Variants in TFEC observed in about 807,000 individuals in gnomAD.
TFEC encodes the protein class E basic helix-loop-helix protein 34.
A neutral mutation model predicts 41.6 loss-of-function variants in TFEC; 31 were observed. The ratio of observed to expected loss-of-function variants is 0.74; its 90% confidence interval spans 0.56 to 1.01. The LOEUF is 1.01. Among genes scored for constraint, TFEC ranks in the 50% least tolerant of loss-of-function variants. The probability of loss-of-function intolerance (pLI) is 0.00; values close to 1 mark genes in which losing one functional copy is unlikely to be tolerated. For missense variants in TFEC, 402 were observed against 404.1 expected (o/e 0.99, Z 0.04); for synonymous variants, 143 against 140.6 (o/e 1.02, Z -0.12).
In TFEC at chr7:115,984,491, GA is replaced by G. The variant is rs1793767665; in HGVS notation, c.-51del. On this transcript the variant is annotated 5_prime_UTR_variant, in exon 2 of 8. The change abolishes the stop of an existing upstream ORF in the 5' untranslated region. Coordinates refer to ENST00000265440, the MANE Select transcript of TFEC (RefSeq NM_012252.4). ...GGCTTTCTGTAGCTGAGGCCTTGCA[GA>G]ACTTTCCAGGTGTGCTGGGACCTAC... is the stretch of plus-strand genomic sequence containing the variant. 2 of 1,613,866 alleles carry G rather than the reference GA, an allele frequency of 1.2e-6. No homozygotes were observed. Among genetic ancestry groups the G allele is most frequent in the Non-Finnish European group, 1.7e-6 (2 of 1,179,952 alleles).
intron 3 of TFEC, among the ~76,000 whole-genome samples, chr7:116,071,486 T>C (rs968047922): frequency 1.3e-5 from 2 of 151,394 alleles, no homozygotes; most frequent in Non-Finnish European, 3.0e-5. Flanking sequence ...AGGAATAACA[T>C]GATTTTAAGA....
chr7:115,965,367 T>C (rs887783171), intron 3 of TFEC, among the ~76,000 whole-genome samples: 54 of 151,714 alleles, frequency 3.6e-4, no homozygotes, highest in Non-Finnish European at 7.4e-4. Context: ...TGTAGAATGA[T>C]TCTATACAAA....
chr7:116,000,358 G>T (rs1245453936), intron 1 of TFEC, among the ~76,000 whole-genome samples: 1 of 152,066 alleles, frequency 6.6e-6, no homozygotes, highest in African/African-American at 2.4e-5. Context: ...AATATACTGA[G>T]CAGGAAAAAA....
upstream of TFEC, among the ~76,000 whole-genome samples, chr7:116,031,302 T>C (rs988546414): frequency 6.6e-6 from 1 of 152,204 alleles, no homozygotes; most frequent in Non-Finnish European, 1.5e-5. Flanking sequence ...TCCAAGAATA[T>C]TTTATCTTCC....
At chr7:115,975,436 C>A (rs1422408361) in intron 2 of TFEC, among the ~76,000 whole-genome samples, 1 of 152,088 alleles carries the variant, frequency 6.6e-6, no homozygotes, top group Non-Finnish European at 1.5e-5. Context: ...TTGATGTTAT[C>A]TTCAAAGCAA....
At chr7:116,029,887 C>T (rs573070021) in intron 1 of TFEC, among the ~76,000 whole-genome samples, 15 of 143,404 alleles carry the variant, frequency 1.0e-4, no homozygotes, top group South Asian at 2.2e-4. Context: ...GGTGAAACTG[C>T]GTCTCTACTA....
At chr7:115,961,449 A>G (rs1186251265) in intron 3 of TFEC, among the ~76,000 whole-genome samples, 1 of 151,664 alleles carries the variant, frequency 6.6e-6, no homozygotes, top group Non-Finnish European at 1.5e-5. Context: ...AATAAATGAT[A>G]AAAATAGATT....
chr7:116,045,720 C>A (rs868005295), intron 3 of TFEC, among the ~76,000 whole-genome samples: 3 of 152,204 alleles, frequency 2.0e-5, no homozygotes, highest in Non-Finnish European at 4.4e-5. Context: ...TGGAGCTGTG[C>A]GAAAACGGTC....
At chr7:116,139,161 A>T (rs1798490860) in intron 1 of TFEC, among the ~76,000 whole-genome samples, 1 of 152,248 alleles carries the variant, frequency 6.6e-6, no homozygotes, top group South Asian at 2.1e-4. Flanking sequence ...GCACTCAGGC[A>T]GCATGTTTCT....
chr7:116,004,827 T>C (rs1366817915), intron 1 of TFEC, among the ~76,000 whole-genome samples: 2 of 152,054 alleles, frequency 1.3e-5, no homozygotes, highest in Non-Finnish European at 2.9e-5. Flanking sequence ...TCAGTATTAC[T>C]GATATGATTT....
In TFEC at chr7:115,950,823, T is replaced by C. The variant is rs574081755; in HGVS notation, c.515+51A>G. ...CCTCCCTTCTTCCCTCCCATTCATT[T>C]TGGGGGTCTTTAAATTATAACATTA... On this transcript the variant is annotated intron_variant, in intron 6 of 7. Coordinates refer to ENST00000265440, the MANE Select transcript of TFEC (RefSeq NM_012252.4). The C allele has an allele frequency of 1.6e-5, 22 of 1,402,702 alleles. No individual in the cohort carries two copies. In the South Asian group the frequency reaches 2.6e-4, roughly 17 times the overall value. 86.9% of individuals were successfully genotyped at this position (1,402,702 alleles called of 1,614,324 possible).
intron 3 of TFEC, among the ~76,000 whole-genome samples, chr7:116,049,257 A>G (rs545700050): frequency 9.6e-4 from 146 of 152,320 alleles, no homozygotes; most frequent in African/African-American, 3.3e-3. Context: ...AGAGACACAC[A>G]TAGGCTCAAA....
In TFEC at chr7:116,051,367, AACTGAG is replaced by A. The variant is rs1388541577; in HGVS notation, c.198+59335_198+59340del. ...TTAATCCCCATATTACAAATGAGAA[AACTGAG>A]GGATAAGAGTTCAAGTCATCAGTAT... On this transcript the variant is annotated intron_variant, in intron 3 of 8. Transcript: ENST00000484212. Among the ~76,000 whole-genome samples, 3 of 152,312 alleles carry A rather than the reference AACTGAG, an allele frequency of 2.0e-5. No individual in the cohort carries two copies. The East Asian group carries it at 5.8e-4, about 29-fold the overall frequency.
chr7:116,078,555 C>A (rs1366995105), intron 3 of TFEC, among the ~76,000 whole-genome samples: 1 of 151,936 alleles, frequency 6.6e-6, no homozygotes, highest in Non-Finnish European at 1.5e-5. Flanking sequence ...ACTATGAACA[C>A]CTTTACATGC....
At position 116,102,704 on chromosome 7, in the gene TFEC, C is replaced by A. The variant is rs576167273; in HGVS notation, c.198+8004G>T. Among the ~76,000 whole-genome samples, 81 of 152,220 alleles carry A rather than the reference C, an allele frequency of 5.3e-4. 1 individual carries two copies. Among genetic ancestry groups the A allele is most frequent in the African/African-American group, 1.9e-3 (78 of 41,554 alleles). ...GAAGTACACAACACCTAAGAATAAG[C>A]AAGTTTTTCATTTCATTTACACTTG... is the stretch of plus-strand genomic sequence containing the variant. On this transcript the variant is annotated intron_variant, in intron 3 of 8. Coordinates refer to the TFEC transcript ENST00000484212.
At chr7:116,130,694 C>A (rs1031200181) in intron 1 of TFEC, among the ~76,000 whole-genome samples, 2 of 152,064 alleles carry the variant, frequency 1.3e-5, no homozygotes, top group Non-Finnish European at 2.9e-5. Context: ...CTCACTGCAG[C>A]CTCAACCTCC....
intron 1 of TFEC, among the ~76,000 whole-genome samples, chr7:116,006,484 C>T (rs1375453193): frequency 6.6e-6 from 1 of 152,182 alleles, no homozygotes; most frequent in Admixed American, 6.5e-5. Flanking sequence ...GGGCCTGTAG[C>T]CCACTTTTTT....
At chr7:116,155,516 T>G (rs1798852069) in intron 1 of TFEC, among the ~76,000 whole-genome samples, 1 of 152,132 alleles carries the variant, frequency 6.6e-6, no homozygotes, top group African/African-American at 2.4e-5. Flanking sequence ...GTTGATCCCA[T>G]TAAACTCAGG....
chr7:116,069,892 C>T (rs1796784398), intron 3 of TFEC, among the ~76,000 whole-genome samples: 1 of 151,410 alleles, frequency 6.6e-6, no homozygotes, highest in African/African-American at 2.4e-5. Context: ...AATATGTGAC[C>T]AGTTTCAGCC....
Sources: gnomAD v4.1 joint callset for allele counts (sites outside exome capture counted in the v4.1 genomes callset) on GRCh38, gnomAD v4.1.1 for gene constraint, MANE v1.5 for transcripts, NCBI Gene and HGNC (gene_info 2026-07-23, HGNC 2026-07-21) for gene names.